The following PSD3 variants were observed in gnomAD, a reference collection of about 807,000 sequenced individuals.
PSD3 encodes the protein PH and SEC7 domain-containing protein 3.
In PSD3, 49 loss-of-function variants were observed where a neutral mutation model predicts 105.5. The observed-to-expected ratio is 0.46, with a 90% CI of 0.37 to 0.59. The LOEUF is 0.59. Ranked by LOEUF, PSD3 falls within the 20% of genes least tolerant of loss-of-function variation. The pLI, the probability that PSD3 is intolerant of heterozygous loss-of-function variation, is 0.00. For missense variants in PSD3, 1,561 were observed against 1,263.8 expected (o/e 1.24, Z -3.57); for synonymous variants, 557 against 457.8 (o/e 1.22, Z -2.77).
intron 11 of PSD3, among the ~76,000 whole-genome samples, chr8:18,609,334 C>A (rs1461558256): frequency 2.0e-5 from 3 of 152,152 alleles, no homozygotes; most frequent in Non-Finnish European, 4.4e-5. Flanking sequence ...AGTTCTAATG[C>A]AAAATATCTT....
At chr8:18,864,970 C>A (rs1816713415) in intron 4 of PSD3, 2 of 151,782 alleles carry the variant, frequency 1.3e-5, no homozygotes, top group Non-Finnish European at 2.9e-5. Context: ...CCACCGACAA[C>A]AACAACAAGC....
Position 18,804,825 on chromosome 8 carries a change from T to A in PSD3, c.1708A>T (p.Thr570Ser), listed in dbSNP as rs762908609. 7 of 1,613,934 alleles carry A rather than the reference T, an allele frequency of 4.3e-6. No homozygotes were observed. In the Admixed American group the frequency reaches 1.2e-4, roughly 27 times the overall value. The change falls in exon 5 of 16, where the codon ACC (threonine) becomes TCC (serine). Residue 570 changes from threonine (T) to serine (S), a missense_variant. Thr to Ser is a moderately conservative substitution (Grantham distance 58). Transcript: ENST00000327040. ...MGSTEILEKE[T>S]PENLSNGTSS... ...GTACCATTACTGAGATTTTCTGGGGTCTCCTTTTCCAAAATTTCAGTGCTC... is the reference window on the plus strand; with the variant it reads ...GTACCATTACTGAGATTTTCTGGGGACTCCTTTTCCAAAATTTCAGTGCTC...
intron 10 of PSD3, among the ~76,000 whole-genome samples, chr8:18,650,336 A>C (rs535919120): frequency 3.1e-4 from 47 of 152,314 alleles, no homozygotes; most frequent in Non-Finnish European, 5.9e-4. Context: ...TTAGACTGGA[A>C]ATTTTTTAAA....
chr8:18,980,545 A>G (rs1825198586), intron 1 of PSD3, among the ~76,000 whole-genome samples: 1 of 152,186 alleles, frequency 6.6e-6, no homozygotes, highest in Admixed American at 6.5e-5. Context: ...TAATATAATT[A>G]CAAATACATT....
intron 9 of PSD3, among the ~76,000 whole-genome samples, chr8:18,699,973 T>A (rs1801481755): frequency 1.3e-5 from 2 of 152,154 alleles, no homozygotes; most frequent in Non-Finnish European, 2.9e-5. Context: ...TTCTCAACTA[T>A]AAATTCTACC....
intron 1 of PSD3, among the ~76,000 whole-genome samples, chr8:18,950,076 T>A (rs1490310368): frequency 6.6e-6 from 1 of 152,140 alleles, no homozygotes; most frequent in Non-Finnish European, 1.5e-5. Flanking sequence ...AGGTGCCCAA[T>A]AGCACCTATT....
At chr8:18,932,506 T>C (rs1426599001) in intron 2 of PSD3, among the ~76,000 whole-genome samples, 1 of 152,204 alleles carries the variant, frequency 6.6e-6, no homozygotes, top group African/African-American at 2.4e-5. Flanking sequence ...TAACTTCCAA[T>C]TACTGGCATG....
intron 10 of PSD3, among the ~76,000 whole-genome samples, chr8:18,644,888 G>A (rs1807917364): frequency 6.6e-6 from 1 of 152,190 alleles, no homozygotes; most frequent in Non-Finnish European, 1.5e-5. Flanking sequence ...AGTATTGGAG[G>A]CTGGAAGTTC....
chr8:18,669,091 C>G (rs1780077086), intron 9 of PSD3, among the ~76,000 whole-genome samples: 1 of 152,194 alleles, frequency 6.6e-6, no homozygotes, highest in African/African-American at 2.4e-5. Context: ...TACTCCATCT[C>G]CCTACATAGC....
At chr8:18,635,495 T>C (rs1807186602) in intron 10 of PSD3, among the ~76,000 whole-genome samples, 1 of 152,116 alleles carries the variant, frequency 6.6e-6, no homozygotes, top group Admixed American at 6.6e-5. Flanking sequence ...TACCATACTA[T>C]GCTTTTCAGT....
At chr8:18,860,082 A>G (rs1276587451) in intron 4 of PSD3, among the ~76,000 whole-genome samples, 1 of 152,240 alleles carries the variant, frequency 6.6e-6, no homozygotes, top group Admixed American at 6.5e-5. Flanking sequence ...TTTCATTTGA[A>G]CATTTAGAGG....
chr8:18,922,398 T>C (rs1187012330), intron 2 of PSD3, among the ~76,000 whole-genome samples: 2 of 152,210 alleles, frequency 1.3e-5, no homozygotes, highest in African/African-American at 2.4e-5. Flanking sequence ...AGCAAGTCTG[T>C]GGAGATTAAA....
intron 2 of PSD3, among the ~76,000 whole-genome samples, chr8:18,920,215 T>C (rs964783550): frequency 4.6e-5 from 7 of 152,118 alleles, no homozygotes; most frequent in African/African-American, 7.2e-5. Context: ...AGGGCAAAAA[T>C]ACCTTTTCGT....
intron 8 of PSD3, among the ~76,000 whole-genome samples, chr8:18,781,250 A>T (rs1034179921): frequency 2.0e-5 from 3 of 152,330 alleles, no homozygotes; most frequent in Admixed American, 6.5e-5. Flanking sequence ...AAACAATGTA[A>T]ATGTTATTGT....
At chr8:18,755,451 A>ACATAG in intron 9 of PSD3, among the ~76,000 whole-genome samples, 1 of 151,724 alleles carries the variant, frequency 6.6e-6, no homozygotes, top group Non-Finnish European at 1.5e-5. Context: ...ACATAACATA[A>ACATAG]CATAACATAA....
chr8:18,703,638 C>G (rs1437850891), intron 9 of PSD3, among the ~76,000 whole-genome samples: 1 of 152,160 alleles, frequency 6.6e-6, no homozygotes, highest in African/African-American at 2.4e-5. Context: ...CAACTGACTT[C>G]CACAGAAGAC....
At chr8:18,546,123 G>C (rs1296012099) in intron 15 of PSD3, among the ~76,000 whole-genome samples, 1 of 152,096 alleles carries the variant, frequency 6.6e-6, no homozygotes, top group African/African-American at 2.4e-5. Flanking sequence ...GCCTCAGCAA[G>C]TAGATGGGAT....
At chr8:18,633,945 T>C (rs1417834727) in intron 10 of PSD3, among the ~76,000 whole-genome samples, 1 of 152,120 alleles carries the variant, frequency 6.6e-6, no homozygotes, top group African/African-American at 2.4e-5. Context: ...TTTGCCTTTT[T>C]AATAACAGCC....
intron 8 of PSD3, chr8:18,786,841 G>C (rs1407388062): frequency 1.3e-5 from 2 of 152,150 alleles, no homozygotes; most frequent in African/African-American, 4.8e-5. Flanking sequence ...CATTCTTCTA[G>C]GCAAGAATTA....
Sources: gnomAD v4.1 joint callset for allele counts (sites outside exome capture counted in the v4.1 genomes callset) on GRCh38, gnomAD v4.1.1 for gene constraint, MANE v1.5 for transcripts, NCBI Gene and HGNC (gene_info 2026-07-23, HGNC 2026-07-21) for gene names.